The following SLCO2B1 variants were observed in gnomAD, a reference collection of about 807,000 sequenced individuals.
The protein encoded by SLCO2B1 is solute carrier organic anion transporter family member 2B1.
SLCO2B1 carries 41 observed loss-of-function variants against 67.3 expected under a neutral mutation model. The ratio of observed to expected loss-of-function variants is 0.61; its 90% CI spans 0.47 to 0.79. The LOEUF (loss-of-function observed/expected upper bound fraction) is 0.79, where lower values mean the gene tolerates loss of function less well. Ranked by LOEUF, SLCO2B1 falls within the 30% of genes least tolerant of loss-of-function variation. The pLI, the probability that SLCO2B1 is intolerant of heterozygous loss-of-function variation, is 0.00. For missense variants in SLCO2B1, 837 were observed against 920.1 expected (o/e 0.91, Z 1.17); for synonymous variants, 379 against 381.4 (o/e 0.99, Z 0.07).
rs544927058 is a variant in SLCO2B1 at position 75,163,838 on chromosome 11, G to A, written c.148-125G>A. 6.9e-5 allele frequency: 77 copies of A among 1,109,436 alleles called. No homozygotes were observed. The South Asian group carries it at 9.9e-4, about 14-fold the overall frequency. The allele number at this position is 1,109,436 out of a possible 1,614,324, so 68.7% of individuals were successfully genotyped here. A position where few individuals can be genotyped will look rare whatever the true frequency, so the allele number is the denominator to read the frequency against. On this transcript the variant is annotated intron_variant, in intron 2 of 13. Coordinates refer to ENST00000289575, the MANE Select transcript of SLCO2B1 (RefSeq NM_007256.5). ...TCTCTCTTCTGTTGGTCACTCTCCC[G>A]CCCTCTGTCTCTTTCTGTGACTCTG...
intron 3 of SLCO2B1, among the ~76,000 whole-genome samples, chr11:75,164,736 C>T (rs1424132886): frequency 6.6e-6 from 1 of 152,198 alleles, no homozygotes; most frequent in African/African-American, 2.4e-5. Flanking sequence ...ATTCTCCCCC[C>T]TTGGTAATGT....
intron 8 of SLCO2B1, among the ~76,000 whole-genome samples, chr11:75,189,082 T>C (rs1944980386): frequency 6.6e-6 from 1 of 152,228 alleles, no homozygotes; most frequent in African/African-American, 2.4e-5. Context: ...CCCATCTATA[T>C]AGCCAGGAGT....
intron 10 of SLCO2B1, 125 bp from the exon 11 acceptor site, chr11:75,200,099 C>A: frequency 9.8e-7 from 1 of 1,016,966 alleles, no homozygotes; most frequent in Non-Finnish European, 1.4e-6. Context: ...CTCGGACTCC[C>A]AGCCAGCTCT....
At chr11:75,173,561 C>A (rs529565899) in intron 7 of SLCO2B1, among the ~76,000 whole-genome samples, 2 of 152,226 alleles carry the variant, frequency 1.3e-5, no homozygotes, top group East Asian at 3.9e-4. Flanking sequence ...TAGAATCCTC[C>A]TCCTCTGCTC....
At chr11:75,152,051 G>A (rs1244988688) in intron 1 of SLCO2B1, among the ~76,000 whole-genome samples, 1 of 152,226 alleles carries the variant, frequency 6.6e-6, no homozygotes, top group African/African-American at 2.4e-5. Context: ...ATGGGTCTCT[G>A]TGCAGTGAGG....
intron 1 of SLCO2B1, among the ~76,000 whole-genome samples, chr11:75,158,844 G>A (rs906567413): frequency 1.3e-5 from 2 of 152,152 alleles, no homozygotes; most frequent in African/African-American, 2.4e-5. Flanking sequence ...GTCCTTTGCT[G>A]CTGGGAGGCA....
chr11:75,175,727 A>AGAGGAAGAGGAGAGCATTTTCTC (rs1950015231), intron 7 of SLCO2B1, among the ~76,000 whole-genome samples: 1 of 152,110 alleles, frequency 6.6e-6, no homozygotes, highest in Non-Finnish European at 1.5e-5. Flanking sequence ...GAGCATTTTC[A>AGAGGAAGAGGAGAGCATTTTCTC]CAGGGGAAAA....
Position 75,193,710 on chromosome 11 carries a change from T to C in SLCO2B1, c.1433+135T>C. The C allele has an allele frequency of 1.3e-6, 1 of 742,564 alleles. No homozygotes were observed. 46.0% of individuals were successfully genotyped at this position (742,564 alleles called of 1,614,324 possible). A position where few individuals can be genotyped will look rare whatever the true frequency, so the allele number is the denominator to read the frequency against. On this transcript the variant is annotated intron_variant, in intron 9 of 13. Transcript: ENST00000289575. This position sits in a 1 kb window ranked among gnomAD's most constrained non-coding sequence, Gnocchi z 4.2. ...CCTCCCCAGTTCTGCTTAACAGCCCTTTAGAGATTCGAGTCAAGCAGTGGG... is the reference window on the plus strand; with the variant it reads ...CCTCCCCAGTTCTGCTTAACAGCCCCTTAGAGATTCGAGTCAAGCAGTGGG...
Position 75,204,571 on chromosome 11 carries a change from C to T in SLCO2B1, c.2121C>T (p.Ser707=). ...GGCCAGGGAAGAAGCCAGAGGATTC[C>T]CGAGTGTGAGCTGTCTTGGGGCCCC... ...VSGPGKKPED[S]RV is the part of the protein sequence containing the mutation. The change falls in exon 14 of 14, where the codon TCC becomes TCT. Residue 707 remains serine (S), a synonymous_variant. Transcript: ENST00000289575. The T allele has an allele frequency of 6.2e-7, 1 of 1,608,724 alleles. No homozygotes were observed. Among genetic ancestry groups the T allele is most frequent in the South Asian group, 1.1e-5 (1 of 89,940 alleles).
chr11:75,172,923 C>G (rs996743116), intron 7 of SLCO2B1, among the ~76,000 whole-genome samples: 1 of 144,552 alleles, frequency 6.9e-6, no homozygotes, highest in South Asian at 2.3e-4. Context: ...AGCAAGACTC[C>G]GTCTCAAAAA....
intron 11 of SLCO2B1, chr11:75,202,301 A>G (rs913214028): frequency 6.6e-6 from 1 of 152,528 alleles, no homozygotes; most frequent in Non-Finnish European, 1.5e-5. Context: ...GGAGTTGAGA[A>G]CACAGCCTCA....
intron 7 of SLCO2B1, among the ~76,000 whole-genome samples, chr11:75,183,891 A>C (rs1950117065): frequency 1.3e-5 from 2 of 152,198 alleles, no homozygotes; most frequent in Admixed American, 1.3e-4. Context: ...GTGATGCTGA[A>C]CAAGTTGCCT....
intron 1 of SLCO2B1, among the ~76,000 whole-genome samples, chr11:75,161,775 G>A (rs1949824343): frequency 6.6e-6 from 1 of 152,172 alleles, no homozygotes; most frequent in Non-Finnish European, 1.5e-5. Context: ...CTAAATAGAG[G>A]GGTGGAGTCT....
At chr11:75,166,613 TCC>T (rs1949895693) in intron 4 of SLCO2B1, among the ~76,000 whole-genome samples, 1 of 147,998 alleles carries the variant, frequency 6.8e-6, no homozygotes, top group Non-Finnish European at 1.5e-5. Flanking sequence ...CCATCATCTA[TCC>T]ACCCATCGAT....
Position 75,183,093 on chromosome 11 carries a change from A to G in SLCO2B1, c.973-5043A>G, listed in dbSNP as rs116548584. On this transcript the variant is annotated intron_variant, in intron 7 of 13. Coordinates refer to ENST00000289575, the MANE Select transcript of SLCO2B1 (RefSeq NM_007256.5). Reference sequence around the variant, plus strand: ...GCAGCATGTCCAAAAGAAATGTTATATGAACCACATATGTAATTCTAATTT... The same window carrying G: ...GCAGCATGTCCAAAAGAAATGTTATGTGAACCACATATGTAATTCTAATTT... Among the ~76,000 whole-genome samples the G allele has an allele frequency of 3.4e-3, 522 of 152,336 alleles. 6 individuals carry two copies. Among genetic ancestry groups the G allele is most frequent in the African/African-American group, 0.012 (506 of 41,584 alleles).
At chr11:75,195,558 G>A (rs1044276387) in intron 9 of SLCO2B1, among the ~76,000 whole-genome samples, 4 of 152,034 alleles carry the variant, frequency 2.6e-5, no homozygotes, top group Non-Finnish European at 5.9e-5. Context: ...CCTGGCTAGA[G>A]ACTGTCTCCA....
intron 1 of SLCO2B1, among the ~76,000 whole-genome samples, chr11:75,160,302 G>A (rs1456372341): frequency 2.0e-5 from 3 of 152,228 alleles, no homozygotes; most frequent in African/African-American, 7.2e-5. Context: ...ATTGAGTGAT[G>A]TTGAGTTTAA....
At chr11:75,153,537 G>A (rs934740134) in intron 1 of SLCO2B1, among the ~76,000 whole-genome samples, 2 of 152,148 alleles carry the variant, frequency 1.3e-5, no homozygotes, top group African/African-American at 4.8e-5. Context: ...GGTCTGCCTG[G>A]TACCAGAGCT....
In SLCO2B1 at chr11:75,202,887, T is replaced by A; in HGVS notation, c.1764-14T>A. 1 of 1,613,292 alleles carries A rather than the reference T, an allele frequency of 6.2e-7. No homozygotes were observed. The highest frequency in any genetic ancestry group is 8.5e-7 in the Non-Finnish European group (1 of 1,179,444). ...CCCCTCCAACCTCATGTTGCCCATG[T>A]CTCTGCTTGTTAGAGGAGTGAAGAA... On this transcript the variant is annotated splice_polypyrimidine_tract_variant and intron_variant, in intron 11 of 13. Transcript: ENST00000289575.
Sources: gnomAD v4.1 joint callset for allele counts (sites outside exome capture counted in the v4.1 genomes callset) on GRCh38, gnomAD v4.1.1 for gene constraint, Gnocchi (gnomAD v3.1) non-coding constraint, MANE v1.5 for transcripts, NCBI Gene and HGNC (gene_info 2026-07-23, HGNC 2026-07-21) for gene names.